The following CDH8 variants were observed in gnomAD, a reference collection of about 807,000 sequenced individuals.
CDH8 encodes cadherin 8.
CDH8 carries 17 observed loss-of-function variants against 68.1 expected under a neutral mutation model. The ratio of observed to expected loss-of-function variants is 0.25; its 90% CI spans 0.17 to 0.37. The LOEUF (loss-of-function observed/expected upper bound fraction) is 0.37. CDH8 is among the 10% of genes least tolerant of loss of function. The pLI is 1.00. For synonymous variants in CDH8, 372 were observed against 365.1 expected, an observed-to-expected ratio of 1.02 and a Z score of -0.21; for missense variants, 763 against 999.3, an observed-to-expected ratio of 0.76 and a Z score of 3.19.
chr16:61,923,600 A>T (rs1260087839), intron 2 of CDH8, among the ~76,000 whole-genome samples: 2 of 151,804 alleles, frequency 1.3e-5, no homozygotes, highest in East Asian at 3.9e-4. Flanking sequence ...GTGAATAATA[A>T]GTGAAATACT....
At chr16:61,830,680 A>G (rs780276467) in intron 4 of CDH8, among the ~76,000 whole-genome samples, 16 of 151,788 alleles carry the variant, frequency 1.1e-4, no homozygotes, top group Non-Finnish European at 1.8e-4. Context: ...AGAAGCTCAC[A>G]TAAGTTTAAC....
chr16:61,732,658 C>A (rs746479181), intron 8 of CDH8, among the ~76,000 whole-genome samples: 1 of 151,524 alleles, frequency 6.6e-6, no homozygotes, highest in Non-Finnish European at 1.5e-5. Context: ...GGATCCTAGA[C>A]AATAATTCTA....
chr16:61,684,427 A>G (rs1182146349), intron 10 of CDH8, among the ~76,000 whole-genome samples: 1 of 152,062 alleles, frequency 6.6e-6, no homozygotes, highest in Non-Finnish European at 1.5e-5. Context: ...AGATATAGCA[A>G]GAAAAAATCC....
At chr16:61,795,385 C>G (rs1240540540) in intron 7 of CDH8, among the ~76,000 whole-genome samples, 1 of 151,936 alleles carries the variant, frequency 6.6e-6, no homozygotes, top group East Asian at 1.9e-4. Context: ...ACCTGAGGAG[C>G]CAGAGAGTCT....
chr16:62,018,869 C>A (rs937064230), intron 2 of CDH8, among the ~76,000 whole-genome samples: 5 of 152,160 alleles, frequency 3.3e-5, no homozygotes, highest in African/African-American at 4.8e-5. Flanking sequence ...CAATAAGTCA[C>A]AAGAAGATGC....
At chr16:61,761,634 T>A (rs1421303375) in intron 8 of CDH8, among the ~76,000 whole-genome samples, 1 of 152,170 alleles carries the variant, frequency 6.6e-6, no homozygotes, top group Non-Finnish European at 1.5e-5. Flanking sequence ...TGGTGACACC[T>A]GGGCACTAGC....
chr16:61,851,448 C>T (rs896454894), intron 4 of CDH8, among the ~76,000 whole-genome samples: 10 of 152,070 alleles, frequency 6.6e-5, no homozygotes, highest in African/African-American at 2.4e-4. Flanking sequence ...AAACTTTACC[C>T]TGGTCTCTTT....
chr16:61,963,088 A>G (rs1301453017), intron 2 of CDH8, among the ~76,000 whole-genome samples: 2 of 152,182 alleles, frequency 1.3e-5, no homozygotes, highest in Non-Finnish European at 2.9e-5. Flanking sequence ...GTTCATTCCA[A>G]TTATGAGGTT....
intron 8 of CDH8, chr16:61,743,256 G>A (rs1291987388): frequency 6.6e-6 from 1 of 152,178 alleles, no homozygotes; most frequent in Non-Finnish European, 1.5e-5. Context: ...GACCGTGTCT[G>A]AAGAATCTAT....
chr16:61,828,022 C>G (rs1471805070), intron 4 of CDH8, among the ~76,000 whole-genome samples: 1 of 151,536 alleles, frequency 6.6e-6, no homozygotes, highest in Non-Finnish European at 1.5e-5. Context: ...CATTCCCAGA[C>G]AGTTAAGGCA....
At chr16:61,710,263 A>G (rs754024427) in intron 10 of CDH8, among the ~76,000 whole-genome samples, 1 of 152,088 alleles carries the variant, frequency 6.6e-6, no homozygotes, top group Non-Finnish European at 1.5e-5. Flanking sequence ...AGTATTCGAT[A>G]CTTCCAGAAG....
In CDH8 at chr16:61,653,385, C is replaced by T. The variant is rs895130255; in HGVS notation, c.*223G>A. ...TCAAATATCCAAGGACTTCTAGACA[C>T]TCCACATACTTAATTCACACTCCAC... On this transcript the variant is annotated 3_prime_UTR_variant, in exon 12 of 12. Coordinates refer to ENST00000577390, the MANE Select transcript of CDH8 (RefSeq NM_001796.5). The T allele has an allele frequency of 2.1e-5, 28 of 1,343,804 alleles. No homozygotes were observed. In the African/African-American group the frequency reaches 4.2e-4, roughly 20 times the overall value. The allele number at this position is 1,343,804 out of a possible 1,614,324, so 83.2% of individuals were successfully genotyped here.
Position 61,648,437 on chromosome 16 carries a change from T to C in CDH8, c.*5171A>G, listed in dbSNP as rs1332987773. 1 of 152,232 alleles carries C rather than the reference T, an allele frequency of 6.6e-6. No individual in the cohort carries two copies. The highest frequency in any genetic ancestry group is 6.6e-5 in the Admixed American group (1 of 15,212). The allele number at this position is 152,232 out of a possible 1,614,324, so 9.4% of individuals were successfully genotyped here. ...TGACGTCTTCTTGAGTCTTCCCATA[T>C]GGGGTCCCTTACTTCCTCCTCAGTA... On this transcript the variant is annotated 3_prime_UTR_variant, in exon 12 of 12. Transcript: ENST00000577390.
chr16:61,732,194 T>A (rs1959556830), intron 8 of CDH8, among the ~76,000 whole-genome samples: 1 of 151,510 alleles, frequency 6.6e-6, no homozygotes, highest in African/African-American at 2.4e-5. Flanking sequence ...GAGAAAAAAA[T>A]GAACAAATAA....
intron 10 of CDH8, among the ~76,000 whole-genome samples, chr16:61,673,239 T>G (rs1244008101): frequency 1.3e-5 from 2 of 152,122 alleles, no homozygotes; most frequent in Non-Finnish European, 2.9e-5. Flanking sequence ...TATCTTTTTA[T>G]TTTTGTATTG....
chr16:61,953,258 G>A (rs181821725), intron 2 of CDH8, among the ~76,000 whole-genome samples: 58 of 152,234 alleles, frequency 3.8e-4, no homozygotes, highest in African/African-American at 1.2e-3. Flanking sequence ...GAGGAATAAA[G>A]AGAACTATAT....
At chr16:61,853,257 G>A (rs1228295009) in intron 4 of CDH8, among the ~76,000 whole-genome samples, 1 of 152,034 alleles carries the variant, frequency 6.6e-6, no homozygotes, top group East Asian at 1.9e-4. Flanking sequence ...AACAAGCAAG[G>A]GGAGAGCAGA....
At chr16:61,710,991 T>C (rs1964621111) in intron 10 of CDH8, among the ~76,000 whole-genome samples, 1 of 152,016 alleles carries the variant, frequency 6.6e-6, no homozygotes, top group Non-Finnish European at 1.5e-5. Context: ...ATCTTGACCA[T>C]ATTCAAGGTG....
chr16:61,888,004 C>A (rs1963707522), intron 3 of CDH8, among the ~76,000 whole-genome samples: 1 of 152,048 alleles, frequency 6.6e-6, no homozygotes, highest in South Asian at 2.1e-4. Flanking sequence ...CTCTATATTG[C>A]CCTAGTTACT....
Sources: allele counts gnomAD v4.1 joint callset (sites outside exome capture counted in the v4.1 genomes callset), GRCh38; gene constraint gnomAD v4.1.1; transcripts MANE v1.5; gene names NCBI Gene and HGNC (gene_info 2026-07-23, HGNC 2026-07-21).